The following NELL1 variants were observed in gnomAD, a reference collection of about 807,000 sequenced individuals.
NELL1 encodes the protein neural EGFL like 1.
A neutral mutation model predicts 107.4 loss-of-function variants in NELL1; 76 were observed. The observed-to-expected ratio is 0.71, with a 90% CI of 0.59 to 0.86. The LOEUF is 0.86. Among genes scored for constraint, NELL1 ranks in the 40% least tolerant of loss-of-function variants. NELL1 has a pLI of 0.00. For synonymous variants in NELL1, 353 were observed against 341.2 expected, an observed-to-expected ratio of 1.03 and a Z score of -0.38; for missense variants, 1,024 against 1,005.5, an observed-to-expected ratio of 1.02 and a Z score of -0.25.
chr11:21,399,142 C>A (rs1313463840), intron 15 of NELL1, among the ~76,000 whole-genome samples: 1 of 151,680 alleles, frequency 6.6e-6, no homozygotes, highest in Non-Finnish European at 1.5e-5. Flanking sequence ...GAAAATAAAG[C>A]ATTACAAGGG....
At chr11:21,079,874 G>T (rs1055362436) in intron 12 of NELL1, among the ~76,000 whole-genome samples, 4 of 152,046 alleles carry the variant, frequency 2.6e-5, no homozygotes, top group Admixed American at 2.6e-4. Context: ...TGCTATGAAT[G>T]CCACTTACAG....
chr11:20,700,568 TTACATGTGTA>T (rs1195968600), intron 2 of NELL1, among the ~76,000 whole-genome samples: 2 of 152,178 alleles, frequency 1.3e-5, no homozygotes, highest in East Asian at 3.8e-4. Context: ...TGCAGGTTTG[TTACATGTGTA>T]TACATGTGCC....
chr11:21,173,187 G>A (rs565177837), intron 13 of NELL1, among the ~76,000 whole-genome samples: 10 of 151,866 alleles, frequency 6.6e-5, no homozygotes, highest in Non-Finnish European at 8.8e-5. Context: ...TTTGGTATGA[G>A]ACACACACTG....
intron 14 of NELL1, among the ~76,000 whole-genome samples, chr11:21,277,795 A>G (rs538713215): frequency 2.1e-4 from 32 of 152,326 alleles, no homozygotes; most frequent in African/African-American, 5.8e-4. Context: ...AAACTGTTGC[A>G]AGGACAAAAA....
At chr11:21,096,886 A>G (rs1854656225) in intron 12 of NELL1, among the ~76,000 whole-genome samples, 1 of 151,738 alleles carries the variant, frequency 6.6e-6, no homozygotes, top group Non-Finnish European at 1.5e-5. Flanking sequence ...AAGTTTTTGT[A>G]TTATTATTAT....
At chr11:20,943,860 A>G (rs1850908856) in intron 10 of NELL1, among the ~76,000 whole-genome samples, 2 of 152,080 alleles carry the variant, frequency 1.3e-5, no homozygotes, top group South Asian at 4.1e-4. Flanking sequence ...TTGTTTGATC[A>G]TTTTTCAGTC....
rs922388874 is a variant in NELL1, at chr11:21,214,739, T to C, written c.1427-14593T>C. Among the ~76,000 whole-genome samples, 5 of 126,758 alleles carry C rather than the reference T, an allele frequency of 3.9e-5. No individual in the cohort carries two copies. In the East Asian group the frequency reaches 1.2e-3, roughly 30 times the overall value. The allele number at this position is 126,758 out of a possible 152,430, so 83.2% of individuals were successfully genotyped here. ...ATGTTCACAAAATACTTGTACATTCTTTAAATGAGAAACTATAGATATGGA... is the reference window on the plus strand; with the variant it reads ...ATGTTCACAAAATACTTGTACATTCCTTAAATGAGAAACTATAGATATGGA... On this transcript the variant is annotated intron_variant, in intron 13 of 19. Coordinates refer to ENST00000357134, the MANE Select transcript of NELL1 (RefSeq NM_006157.5).
At chr11:21,256,294 T>C (rs1362627535) in intron 14 of NELL1, among the ~76,000 whole-genome samples, 1 of 152,056 alleles carries the variant, frequency 6.6e-6, no homozygotes, top group Non-Finnish European at 1.5e-5. Flanking sequence ...GACATAAAGA[T>C]TGGGGCAACT....
chr11:21,419,824 T>C (rs1011186109), intron 15 of NELL1, among the ~76,000 whole-genome samples: 1 of 152,198 alleles, frequency 6.6e-6, no homozygotes, highest in African/African-American at 2.4e-5. Context: ...GAAATTTGTC[T>C]TTCATGAAGT....
At position 20,672,980 on chromosome 11, in the gene NELL1, C is replaced by G. The variant is rs1034449584; in HGVS notation, c.55+3202C>G. On this transcript the variant is annotated intron_variant, in intron 1 of 19. Coordinates refer to ENST00000357134, the MANE Select transcript of NELL1 (RefSeq NM_006157.5). Reference sequence around the variant, plus strand: ...GATTCTCCTGCCTCAGCCCCCCCCCCCCCCCCCGAGTAGCTGGGATTACAG... The same window carrying G: ...GATTCTCCTGCCTCAGCCCCCCCCCGCCCCCCCGAGTAGCTGGGATTACAG... 3.8e-4 allele frequency among the ~76,000 whole-genome samples: 42 copies of G among 110,152 alleles called. 2 individuals are homozygous for G. The highest frequency in any genetic ancestry group is 3.6e-4 in the African/African-American group (10 of 28,044). 72.3% of individuals were successfully genotyped at this position (110,152 alleles called of 152,430 possible). A position where few individuals can be genotyped will look rare whatever the true frequency, so the allele number is the denominator to read the frequency against.
At chr11:21,136,942 G>C (rs1404032295) in intron 13 of NELL1, among the ~76,000 whole-genome samples, 1 of 152,212 alleles carries the variant, frequency 6.6e-6, no homozygotes, top group Non-Finnish European at 1.5e-5. Context: ...AGGTGAGTTG[G>C]CTAGGCGTAT....
intron 5 of NELL1, among the ~76,000 whole-genome samples, chr11:20,886,216 A>G (rs1200247459): frequency 6.6e-6 from 1 of 152,160 alleles, no homozygotes; most frequent in Non-Finnish European, 1.5e-5. Context: ...CAGTATACCC[A>G]TGTAACAAAC....
chr11:21,130,652 G>T (rs913425957), intron 13 of NELL1, among the ~76,000 whole-genome samples: 1 of 152,148 alleles, frequency 6.6e-6, no homozygotes, highest in Admixed American at 6.5e-5. Flanking sequence ...TTTCCCTGCT[G>T]TTGATAAATA....
At chr11:21,128,038 A>T (rs1855527802) in intron 13 of NELL1, among the ~76,000 whole-genome samples, 1 of 151,934 alleles carries the variant, frequency 6.6e-6, no homozygotes, top group South Asian at 2.1e-4. Flanking sequence ...CAGAACAAAA[A>T]CTCAACCAGC....
At chr11:21,196,200 A>C in intron 13 of NELL1, among the ~76,000 whole-genome samples, 1 of 152,106 alleles carries the variant, frequency 6.6e-6, no homozygotes, top group East Asian at 1.9e-4. Context: ...TAATAATGTG[A>C]CAGCCCAGCC....
intron 2 of NELL1, among the ~76,000 whole-genome samples, chr11:20,700,457 C>T (rs1401577761): frequency 1.3e-5 from 2 of 151,652 alleles, no homozygotes; most frequent in African/African-American, 2.4e-5. Context: ...CCAGCCTGAG[C>T]AACAGAGTGA....
chr11:20,712,708 G>C (rs1327822298), intron 2 of NELL1, among the ~76,000 whole-genome samples: 1 of 152,128 alleles, frequency 6.6e-6, no homozygotes, highest in Admixed American at 6.5e-5. Flanking sequence ...CTACGGATGG[G>C]GCTTACTGAG....
intron 15 of NELL1, among the ~76,000 whole-genome samples, chr11:21,527,289 A>C: frequency 6.6e-6 from 1 of 152,164 alleles, no homozygotes; most frequent in East Asian, 1.9e-4. Context: ...ATTTTGGTCA[A>C]AGCCCTTTAA....
intron 15 of NELL1, among the ~76,000 whole-genome samples, chr11:21,429,269 C>T (rs372901976): frequency 1.3e-5 from 2 of 152,096 alleles, no homozygotes; most frequent in African/African-American, 2.4e-5. Context: ...ATCTCTAAGA[C>T]AATTATGTAA....
Sources: gnomAD v4.1 joint callset for allele counts (sites outside exome capture counted in the v4.1 genomes callset) on GRCh38, gnomAD v4.1.1 for gene constraint, MANE v1.5 for transcripts, NCBI Gene and HGNC (gene_info 2026-07-23, HGNC 2026-07-21) for gene names.